GPHN: variants seen among roughly 807,000 people sequenced by gnomAD.
The protein encoded by GPHN is gephyrin.
A neutral mutation model predicts 95.5 loss-of-function variants in GPHN; 17 were observed. That is an observed-to-expected ratio of 0.18 (90% CI 0.12 to 0.27). The LOEUF (loss-of-function observed/expected upper bound fraction) is 0.27, where lower values mean the gene tolerates loss of function less well. Among genes scored for constraint, GPHN ranks in the 10% least tolerant of loss-of-function variants. The pLI, the probability that GPHN is intolerant of heterozygous loss-of-function variation, is 1.00. For synonymous variants in GPHN, 320 were observed against 322.5 expected, an observed-to-expected ratio of 0.99 and a Z score of 0.08; for missense variants, 660 against 978.1, an observed-to-expected ratio of 0.67 and a Z score of 4.34.
the GPHN span, among the ~76,000 whole-genome samples, chr14:67,643,851 G>GGA: frequency 6.1e-5 from 2 of 33,030 alleles, no homozygotes; most frequent in Admixed American, 4.6e-4. Context: ...CTCCTTGGGA[G>GGA]TAAAAAAAAA....
chr14:66,884,657 A>G (rs112704992), intron 5 of GPHN, among the ~76,000 whole-genome samples: 6 of 151,990 alleles, frequency 3.9e-5, no homozygotes, highest in African/African-American at 1.4e-4. Flanking sequence ...GTGGTTATAC[A>G]CTGAAGAATG....
At chr14:67,326,621 A>G in the GPHN span, among the ~76,000 whole-genome samples, 1 of 152,090 alleles carries the variant, frequency 6.6e-6, no homozygotes, top group Non-Finnish European at 1.5e-5. Flanking sequence ...GCCCCTTTGA[A>G]GTTAATACCC....
chr14:66,719,538 G>A (rs909948245), intron 2 of GPHN, among the ~76,000 whole-genome samples: 9 of 152,190 alleles, frequency 5.9e-5, no homozygotes, highest in Admixed American at 1.3e-4. Context: ...GGGTCTGTGG[G>A]TCCTCTCGGG....
the GPHN span, among the ~76,000 whole-genome samples, chr14:67,603,996 G>GTTTTTTTTT: frequency 6.7e-6 from 1 of 150,144 alleles, no homozygotes; most frequent in Non-Finnish European, 1.5e-5. Flanking sequence ...CTTGTTTTTT[G>GTTTTTTTTT]TTTTTGTTTT....
intron 1 of GPHN, among the ~76,000 whole-genome samples, chr14:66,583,449 A>C (rs1392973600): frequency 2.6e-5 from 4 of 152,184 alleles, no homozygotes; most frequent in African/African-American, 7.2e-5. Context: ...TTTAGACATG[A>C]AGTCCTTGCC....
chr14:67,583,914 C>G, the GPHN span: 5 of 1,611,812 alleles, frequency 3.1e-6, no homozygotes, highest in African/African-American at 1.3e-5. Flanking sequence ...TGCAGCAAGT[C>G]ACTGTGGGGA....
chr14:67,424,637 T>C, the GPHN span, among the ~76,000 whole-genome samples: 1 of 147,440 alleles, frequency 6.8e-6, no homozygotes, highest in African/African-American at 2.5e-5. Context: ...TCCAAGCCCC[T>C]GCCCACCCCT....
At chr14:66,702,162 A>G (rs959447434) in intron 2 of GPHN, among the ~76,000 whole-genome samples, 6 of 152,172 alleles carry the variant, frequency 3.9e-5, no homozygotes, top group Non-Finnish European at 5.9e-5. Context: ...TTGAACCCCT[A>G]GGGGAAGGAG....
At chr14:67,489,855 T>C in the GPHN span, among the ~76,000 whole-genome samples, 6 of 152,256 alleles carry the variant, frequency 3.9e-5, no homozygotes, top group East Asian at 1.2e-3. Flanking sequence ...CCAGGTGTGA[T>C]GGTGGGCACC....
the GPHN span, among the ~76,000 whole-genome samples, chr14:67,514,462 G>A: frequency 3.6e-3 from 547 of 152,282 alleles, 2 homozygotes; most frequent in Non-Finnish European, 6.1e-3. Flanking sequence ...CCAGGGGGCT[G>A]GGCTGGGCCC....
chr14:67,295,528 G>C, the GPHN span, among the ~76,000 whole-genome samples: 6 of 149,076 alleles, frequency 4.0e-5, no homozygotes, highest in African/African-American at 1.5e-4. Context: ...AAGAAAAAAA[G>C]ACTACTCGGT....
the GPHN span, chr14:67,392,801 C>T: frequency 1.8e-5 from 29 of 1,613,720 alleles, no homozygotes; most frequent in Non-Finnish European, 1.9e-5. Context: ...CGCCTCCAGA[C>T]GGCTGGCCGT....
chr14:67,442,780 T>C, the GPHN span, among the ~76,000 whole-genome samples: 5,616 of 152,354 alleles, frequency 0.037, 134 homozygotes, highest in Non-Finnish European at 0.053. Flanking sequence ...AGCTTAATTC[T>C]GCCTGGATAC....
chr14:66,998,427 T>C (rs2071964873), intron 9 of GPHN, among the ~76,000 whole-genome samples: 1 of 152,200 alleles, frequency 6.6e-6, no homozygotes, highest in Non-Finnish European at 1.5e-5. Flanking sequence ...GAAATAATTG[T>C]TTCTTTTTAG....
intron 5 of GPHN, among the ~76,000 whole-genome samples, chr14:66,907,453 A>T (rs531798554): frequency 6.6e-6 from 1 of 152,304 alleles, no homozygotes; most frequent in East Asian, 1.9e-4. Flanking sequence ...ATAAAGCTGA[A>T]CAGATTTTTT....
downstream of GPHN, among the ~76,000 whole-genome samples, chr14:67,185,723 G>T (rs1055620261): frequency 7.2e-5 from 11 of 152,180 alleles, no homozygotes; most frequent in Non-Finnish European, 1.6e-4. Context: ...GCATGTTACA[G>T]CAGGTGGATT....
intron 2 of GPHN, among the ~76,000 whole-genome samples, chr14:66,765,254 G>A (rs1367134560): frequency 6.6e-6 from 1 of 152,156 alleles, no homozygotes; most frequent in Non-Finnish European, 1.5e-5. Context: ...GAAAAGCAGT[G>A]TGGCAATATT....
the GPHN span, among the ~76,000 whole-genome samples, chr14:67,417,153 G>T: frequency 6.6e-6 from 1 of 152,198 alleles, no homozygotes; most frequent in East Asian, 1.9e-4. Context: ...ATGGGTTCTG[G>T]AATCTATAGC....
intron 1 of GPHN, among the ~76,000 whole-genome samples, chr14:66,574,016 T>C (rs142486315): frequency 6.6e-6 from 1 of 152,310 alleles, no homozygotes; most frequent in African/African-American, 2.4e-5. Flanking sequence ...ACAATCAAGG[T>C]ATGTATTGAT....
Sources: gnomAD v4.1 joint callset for allele counts (sites outside exome capture counted in the v4.1 genomes callset) on GRCh38, gnomAD v4.1.1 for gene constraint, MANE v1.5 for transcripts, NCBI Gene and HGNC (gene_info 2026-07-23, HGNC 2026-07-21) for gene names.